Variants in CAMTA1 observed in about 807,000 individuals in gnomAD.
The protein encoded by CAMTA1 is calmodulin binding transcription activator 1, also known as calmodulin-binding transcription activator 1.
CAMTA1 carries 27 observed loss-of-function variants against 170.9 expected under a neutral mutation model. The ratio of observed to expected loss-of-function variants is 0.16; its 90% confidence interval spans 0.12 to 0.22. The LOEUF (loss-of-function observed/expected upper bound fraction) is 0.22, where lower values mean the gene tolerates loss of function less well. Among genes scored for constraint, CAMTA1 ranks in the 10% least tolerant of loss-of-function variants. The probability of loss-of-function intolerance (pLI) is 1.00; values close to 1 mark genes in which losing one functional copy is unlikely to be tolerated. For synonymous variants in CAMTA1, 833 were observed against 891.5 expected, an observed-to-expected ratio of 0.93 and a Z score of 1.17; for missense variants, 1,619 against 2,217.2, an observed-to-expected ratio of 0.73 and a Z score of 5.42.
chr1:7,157,218 A>G (rs1386877972), intron 4 of CAMTA1, among the ~76,000 whole-genome samples: 3 of 151,454 alleles, frequency 2.0e-5, no homozygotes, highest in Non-Finnish European at 4.4e-5. Context: ...GGTGGCAGGC[A>G]CCTGTAGTCC....
intron 6 of CAMTA1, among the ~76,000 whole-genome samples, chr1:7,575,086 T>A (rs2095174346): frequency 6.6e-6 from 1 of 152,236 alleles, no homozygotes; most frequent in Non-Finnish European, 1.5e-5. Flanking sequence ...GCTAATATTG[T>A]TGCCTTGGAT....
At chr1:7,503,616 G>A (rs572155750) in intron 6 of CAMTA1, among the ~76,000 whole-genome samples, 1 of 152,344 alleles carries the variant, frequency 6.6e-6, no homozygotes, top group South Asian at 2.1e-4. Flanking sequence ...ACAGTGGCCA[G>A]GCTGCTTCAT....
At chr1:7,116,842 C>T (rs568718257) in intron 4 of CAMTA1, among the ~76,000 whole-genome samples, 21 of 149,786 alleles carry the variant, frequency 1.4e-4, no homozygotes, top group Admixed American at 2.7e-4. Context: ...TTAGTAGAGA[C>T]GGGGTTTCAC....
intron 1 of CAMTA1, among the ~76,000 whole-genome samples, chr1:6,793,966 G>A (rs943442657): frequency 5.9e-5 from 9 of 152,188 alleles, no homozygotes; most frequent in African/African-American, 1.9e-4. Context: ...TAAGAAATTG[G>A]TACAAAGTGT....
intron 5 of CAMTA1, among the ~76,000 whole-genome samples, chr1:7,310,272 T>C (rs1375246342): frequency 6.6e-6 from 1 of 152,228 alleles, no homozygotes; most frequent in African/African-American, 2.4e-5. Context: ...CCCTGTAATT[T>C]CAGAGGAGAA....
chr1:7,162,753 AAAT>A (rs1421908316), intron 4 of CAMTA1, among the ~76,000 whole-genome samples: 9 of 152,108 alleles, frequency 5.9e-5, no homozygotes, highest in African/African-American at 1.9e-4. Flanking sequence ...TGGCTAATAC[AAAT>A]AATGTTTCTG....
At chr1:6,987,107 A>G (rs757439724) in intron 3 of CAMTA1, among the ~76,000 whole-genome samples, 3 of 151,228 alleles carry the variant, frequency 2.0e-5, no homozygotes, top group Non-Finnish European at 4.4e-5. Context: ...CTGTCTGCAT[A>G]TTGTCATCAC....
rs76864903 is a variant in CAMTA1 at position 6,857,011 on chromosome 1, G to A, written c.234+31801G>A. Among the ~76,000 whole-genome samples, 67 of 152,298 alleles carry A rather than the reference G, an allele frequency of 4.4e-4. No individual in the cohort carries two copies. In the East Asian group the frequency reaches 0.013, roughly 28 times the overall value. ...AGCCATAGGCCACCTTGGAAACTAGGGTGTCCCTGTGAAGGGTTGCCCGTG... is the reference window on the plus strand; with the variant it reads ...AGCCATAGGCCACCTTGGAAACTAGAGTGTCCCTGTGAAGGGTTGCCCGTG... On this transcript the variant is annotated intron_variant, in intron 3 of 22. Coordinates refer to ENST00000303635, the MANE Select transcript of CAMTA1 (RefSeq NM_015215.4).
intron 4 of CAMTA1, among the ~76,000 whole-genome samples, chr1:7,205,119 G>A (rs989516426): frequency 2.7e-5 from 4 of 148,172 alleles, no homozygotes; most frequent in African/African-American, 5.0e-5. Flanking sequence ...GTGAGCCACC[G>A]CGCCCGGCCC....
chr1:7,432,424 T>C (rs2092203171), intron 5 of CAMTA1, among the ~76,000 whole-genome samples: 1 of 152,114 alleles, frequency 6.6e-6, no homozygotes, highest in African/African-American at 2.4e-5. Context: ...ATTTAGAGGA[T>C]CTGAGGGAAT....
chr1:7,582,158 C>T (rs2095266498), intron 6 of CAMTA1, among the ~76,000 whole-genome samples: 1 of 152,148 alleles, frequency 6.6e-6, no homozygotes, highest in South Asian at 2.1e-4. Context: ...AGGAGGCTGT[C>T]CCCAGCAACG....
chr1:6,906,288 G>C (rs937746309), intron 3 of CAMTA1, among the ~76,000 whole-genome samples: 4 of 152,184 alleles, frequency 2.6e-5, no homozygotes, highest in Admixed American at 1.3e-4. Flanking sequence ...TGCCAAATTT[G>C]TATAAAGGAC....
At chr1:7,151,690 G>A (rs1269635709) in intron 4 of CAMTA1, among the ~76,000 whole-genome samples, 1 of 152,186 alleles carries the variant, frequency 6.6e-6, no homozygotes, top group Non-Finnish European at 1.5e-5. Flanking sequence ...ATGGCTTTGG[G>A]GTGTGTCTCC....
chr1:7,591,911 A>G (rs2150488655), intron 6 of CAMTA1, among the ~76,000 whole-genome samples: 1 of 152,018 alleles, frequency 6.6e-6, no homozygotes, highest in Non-Finnish European at 1.5e-5. Flanking sequence ...TTTATTTATT[A>G]TTTTGAGATG....
rs1206318029 is a variant in CAMTA1 at position 7,641,823 on chromosome 1, T to C, written c.664+1270T>C. 6.6e-6 allele frequency among the ~76,000 whole-genome samples: 1 copy of C among 152,072 alleles called. No homozygotes were observed. The highest frequency in any genetic ancestry group is 1.5e-5 in the Non-Finnish European group (1 of 67,988). ...CAGGCAGCCCAGGGACCTCCTGAGC[T>C]CAGACCACACCCAGTGGCAACCTTC... is the stretch of plus-strand genomic sequence containing the variant. On this transcript the variant is annotated intron_variant, in intron 7 of 22. Transcript: ENST00000303635. The surrounding 1 kb of genome is among the most constrained non-coding windows in gnomAD (Gnocchi z 4.5).
At chr1:7,715,300 C>T (rs747505133) in intron 11 of CAMTA1, among the ~76,000 whole-genome samples, 3 of 152,256 alleles carry the variant, frequency 2.0e-5, no homozygotes, top group South Asian at 2.1e-4. Context: ...ACAGTGCCAC[C>T]GGAGTTGGCT....
intron 1 of CAMTA1, among the ~76,000 whole-genome samples, chr1:6,785,933 C>G (rs1391044801): frequency 1.3e-5 from 2 of 149,300 alleles, no homozygotes; most frequent in African/African-American, 4.9e-5. Context: ...GCTCCCGAGC[C>G]CGCTGCGCGG....
At chr1:7,122,592 C>A (rs1022395877) in intron 4 of CAMTA1, among the ~76,000 whole-genome samples, 2 of 152,168 alleles carry the variant, frequency 1.3e-5, no homozygotes, top group Non-Finnish European at 2.9e-5. Flanking sequence ...GCATAACTTC[C>A]CCTCTGCAAC....
chr1:7,568,802 T>G (rs1557932199), intron 6 of CAMTA1, among the ~76,000 whole-genome samples: 1 of 148,272 alleles, frequency 6.7e-6, no homozygotes, highest in African/African-American at 2.5e-5. Flanking sequence ...CCATCCATCA[T>G]CAACATCACC....
Sources: gnomAD v4.1 joint callset for allele counts (sites outside exome capture counted in the v4.1 genomes callset) on GRCh38, gnomAD v4.1.1 for gene constraint, Gnocchi (gnomAD v3.1) non-coding constraint, MANE v1.5 for transcripts, NCBI Gene and HGNC (gene_info 2026-07-23, HGNC 2026-07-21) for gene names.